The following KIF11 variants were observed in gnomAD, a reference collection of about 807,000 sequenced individuals.
KIF11 encodes the protein kinesin family member 11.
KIF11 carries 9 observed loss-of-function variants against 121.0 expected under a neutral mutation model. That is an observed-to-expected ratio of 0.07 (90% CI 0.04 to 0.13). The LOEUF is 0.13. KIF11 is among the 10% of genes least tolerant of loss of function. The pLI is 1.00. For synonymous variants in KIF11, 408 were observed against 421.0 expected, an observed-to-expected ratio of 0.97 and a Z score of 0.38; for missense variants, 846 against 1,217.5, an observed-to-expected ratio of 0.69 and a Z score of 4.54.
Position 92,654,939 on chromosome 10 carries a change from G to A in KIF11, c.*1143G>A, listed in dbSNP as rs1036347688. ...AGGACTGTTTGAAACTTCCAATTAT[G>A]TCTATAATTTATATTCTTTTGTTTA... On this transcript the variant is annotated 3_prime_UTR_variant, in exon 22 of 22. Transcript: ENST00000260731. The A allele has an allele frequency of 6.6e-6, 1 of 152,484 alleles. No homozygotes were observed. The highest frequency in any genetic ancestry group is 2.4e-5 in the African/African-American group (1 of 41,400). 9.4% of individuals were successfully genotyped at this position (152,484 alleles called of 1,614,324 possible).
Position 92,620,301 on chromosome 10 carries a change from T to C in KIF11, c.1129-1084T>C, listed in dbSNP as rs1039923766. 2.6e-5 allele frequency among the ~76,000 whole-genome samples: 4 copies of C among 152,138 alleles called. No individual in the cohort carries two copies. The South Asian group carries it at 8.3e-4, about 32-fold the overall frequency. On this transcript the variant is annotated intron_variant, in intron 9 of 21. Coordinates refer to ENST00000260731, the MANE Select transcript of KIF11 (RefSeq NM_004523.4). The stretch of plus-strand genomic sequence containing the variant: ...TTCACCATGTTAGCCAGGATAGTCT[T>C]GATCTCCTGACCTTGTGATCCGCCC...
chr10:92,616,643 A>G, intron 8 of KIF11, 94 bp from the exon 9 acceptor site: 1 of 621,382 alleles, frequency 1.6e-6, no homozygotes, highest in Non-Finnish European at 2.8e-6. Flanking sequence ...ACTATAAAAT[A>G]TTACTTGTAA....
chr10:92,598,380 A>G (rs146026947), intron 1 of KIF11, among the ~76,000 whole-genome samples: 63 of 152,248 alleles, frequency 4.1e-4, no homozygotes, highest in African/African-American at 1.5e-3. Flanking sequence ...GGTCTTGGCA[A>G]CCTTATTAAA....
chr10:92,603,981 A>T lies in KIF11; in HGVS notation c.78-2284A>T, dbSNP rs549672266. Among the ~76,000 whole-genome samples the T allele has an allele frequency of 1.1e-4, 17 of 152,280 alleles. No homozygotes were observed. The South Asian group carries it at 3.5e-3, about 32-fold the overall frequency. On this transcript the variant is annotated intron_variant, in intron 1 of 21. Coordinates refer to ENST00000260731, the MANE Select transcript of KIF11 (RefSeq NM_004523.4). ...CCTATCACATAGTAAGTACTTGATGAATATTTGTGGAATGAGTTAATTTAG... is the reference window on the plus strand; with the variant it reads ...CCTATCACATAGTAAGTACTTGATGTATATTTGTGGAATGAGTTAATTTAG...
intron 10 of KIF11, among the ~76,000 whole-genome samples, chr10:92,623,783 T>G (rs1844642142): frequency 6.6e-6 from 1 of 152,204 alleles, no homozygotes; most frequent in Admixed American, 6.5e-5. Context: ...GAAATGATAT[T>G]GATTATTGGA....
intron 17 of KIF11, among the ~76,000 whole-genome samples, chr10:92,640,728 C>T (rs1844855984): frequency 6.6e-6 from 1 of 152,068 alleles, no homozygotes; most frequent in African/African-American, 2.4e-5. Context: ...CCACGCCCGG[C>T]TCTGTTTTGT....
chr10:92,624,921 C>T (rs1844656238), intron 10 of KIF11, among the ~76,000 whole-genome samples: 1 of 151,884 alleles, frequency 6.6e-6, no homozygotes, highest in Non-Finnish European at 1.5e-5. Flanking sequence ...AGGCACCCAC[C>T]ACCGCACCTG....
intron 1 of KIF11, among the ~76,000 whole-genome samples, chr10:92,602,833 T>TACACACACACAC (rs770378243): frequency 4.5e-4 from 54 of 119,018 alleles, no homozygotes; most frequent in African/African-American, 2.4e-3. Flanking sequence ...CACGTGTGTG[T>TACACACACACAC]GTGTGTGTGT....
At chr10:92,622,007 G>C (rs558906986) in intron 10 of KIF11, among the ~76,000 whole-genome samples, 114 of 152,336 alleles carry the variant, frequency 7.5e-4, no homozygotes, top group African/African-American at 2.6e-3. Flanking sequence ...GGATGTGGTG[G>C]CTCACACCTG....
intron 5 of KIF11, 82 bp from the exon 6 acceptor site, chr10:92,609,303 A>AGAGAGTGTGT (rs1372794402): frequency 1.6e-4 from 63 of 382,496 alleles, no homozygotes; most frequent in Non-Finnish European, 1.3e-4. Flanking sequence ...AGAGAGAGAG[A>AGAGAGTGTGT]GTGTGTGTGT....
At chr10:92,615,933 G>A (rs905923824) in intron 8 of KIF11, among the ~76,000 whole-genome samples, 8 of 150,448 alleles carry the variant, frequency 5.3e-5, no homozygotes, top group Admixed American at 3.3e-4. Flanking sequence ...TTCGCCACCC[G>A]GGTTCAAGTG....
Position 92,637,502 on chromosome 10 carries a change from A to G in KIF11, c.2117A>G (p.Asn706Ser), listed in dbSNP as rs748971476. 1.2e-6 allele frequency: 2 copies of G among 1,606,880 alleles called. No homozygotes were observed. Residue 706 changes from asparagine (N) to serine (S), a missense_variant, in exon 16 of 22, where the codon AAC (asparagine) becomes AGC (serine). Transcript: ENST00000260731. ...SLVESQKQCG[N>S]LTEDLKTIKQ... is the part of the protein sequence containing the mutation. ...GTTGAGTCACAAAAGCAATGTGGAA[A>G]CCTAACTGAAGACCTGAAGACAATA...
At position 92,651,507 on chromosome 10, in the gene KIF11, G is replaced by GTTTTTTTTTTTTTTTT. The variant is rs1175303233; in HGVS notation, c.3039+1016_3039+1031dup. 2.6e-4 allele frequency among the ~76,000 whole-genome samples: 14 copies of GTTTTTTTTTTTTTTTT among 52,970 alleles called. 3 individuals carry two copies. The highest frequency in any genetic ancestry group is 5.4e-4 in the Non-Finnish European group (13 of 23,896). 34.8% of individuals were successfully genotyped at this position (52,970 alleles called of 152,430 possible). A position where few individuals can be genotyped will look rare whatever the true frequency, so the allele number is the denominator to read the frequency against. Reference sequence around the variant, plus strand: ...TGTGCCACCATGCCTGGCTAATTTTGTTTTTTTTTTTTTTTTTTTTTTTTT... The same window carrying GTTTTTTTTTTTTTTTT: ...TGTGCCACCATGCCTGGCTAATTTTGTTTTTTTTTTTTTTTTTTTTTTTTTTTTTTTTTTTTTTTTT... On this transcript the variant is annotated intron_variant, in intron 21 of 21. Transcript: ENST00000260731.
At chr10:92,636,754 C>A (rs1168713073) in intron 14 of KIF11, among the ~76,000 whole-genome samples, 2 of 150,140 alleles carry the variant, frequency 1.3e-5, no homozygotes, top group Admixed American at 6.7e-5. Context: ...AGAATGGGGC[C>A]GGGCGCGGTG....
At chr10:92,604,377 A>G (rs1225128782) in intron 1 of KIF11, among the ~76,000 whole-genome samples, 1 of 152,202 alleles carries the variant, frequency 6.6e-6, no homozygotes, top group African/African-American at 2.4e-5. Flanking sequence ...GCCAAAAATA[A>G]TAGACTAATT....
At chr10:92,651,526 T>G (rs1441257160) in intron 21 of KIF11, among the ~76,000 whole-genome samples, 1 of 105,312 alleles carries the variant, frequency 9.5e-6, no homozygotes, top group African/African-American at 4.0e-5. Flanking sequence ...TTTTTTTTTT[T>G]TTTTTTTTTT....
intron 6 of KIF11, among the ~76,000 whole-genome samples, chr10:92,612,056 C>A (rs1447273285): frequency 5.3e-5 from 8 of 150,768 alleles, no homozygotes; most frequent in African/African-American, 2.0e-4. Flanking sequence ...CTTTGGTCAT[C>A]TGTATAATTT....
chr10:92,640,857 C>T (rs1029647549), intron 17 of KIF11, among the ~76,000 whole-genome samples: 2 of 152,188 alleles, frequency 1.3e-5, no homozygotes, highest in Non-Finnish European at 2.9e-5. Flanking sequence ...AGTGATTCTC[C>T]TGCCTCAGCC....
Position 92,630,333 on chromosome 10 carries a change from C to T in KIF11, c.1463C>T (p.Thr488Ile). 1.3e-6 allele frequency: 2 copies of T among 1,590,518 alleles called. No individual in the cohort carries two copies. Among genetic ancestry groups the T allele is most frequent in the Middle Eastern group, 1.7e-4 (1 of 5,950 alleles). ...EEYITSALESTEEKLHDAASK... is the reference protein window; with the variant it reads ...EEYITSALESIEEKLHDAASK... ...TATATCACATCAGCTTTGGAAAGTACTGAGGAGAAACTTCATGATGCTGCC... is the reference window on the plus strand; with the variant it reads ...TATATCACATCAGCTTTGGAAAGTATTGAGGAGAAACTTCATGATGCTGCC... The change falls in exon 12 of 22, where the codon ACT (threonine) becomes ATT (isoleucine). Residue 488 changes from threonine to isoleucine, a missense_variant. This residue lies in a region of KIF11 where 95 missense variants were observed against 109.3 expected (regional missense o/e 0.87). Coordinates refer to ENST00000260731, the MANE Select transcript of KIF11 (RefSeq NM_004523.4).
Sources: allele counts gnomAD v4.1 joint callset (sites outside exome capture counted in the v4.1 genomes callset), GRCh38; gene constraint gnomAD v4.1.1; regional missense constraint gnomAD v4.1.1; transcripts MANE v1.5; gene names NCBI Gene and HGNC (gene_info 2026-07-23, HGNC 2026-07-21).